PFKFB2: variants seen among roughly 807,000 people sequenced by gnomAD.
PFKFB2 encodes 6-phosphofructo-2-kinase/fructose-2,6-bisphosphatase 2.
In PFKFB2, 53 loss-of-function variants were observed where a neutral mutation model predicts 68.0. That is an observed-to-expected ratio of 0.78 (90% confidence interval 0.63 to 0.98). The LOEUF is 0.98. Ranked by LOEUF, PFKFB2 falls within the 50% of genes least tolerant of loss-of-function variation. The probability of loss-of-function intolerance (pLI) is 0.00; values close to 1 mark genes in which losing one functional copy is unlikely to be tolerated. For synonymous variants in PFKFB2, 222 were observed against 227.6 expected, an observed-to-expected ratio of 0.98 and a Z score of 0.22; for missense variants, 451 against 642.0, an observed-to-expected ratio of 0.70 and a Z score of 3.22.
Position 207,075,364 on chromosome 1 carries a change from C to T in PFKFB2, c.*2993C>T. ...CTTCAGCATCCTTTAGTTTCTAAAGCAAGATCCCTTCAGAGAAGTCTAGCA... is the reference window on the plus strand; with the variant it reads ...CTTCAGCATCCTTTAGTTTCTAAAGTAAGATCCCTTCAGAGAAGTCTAGCA... On this transcript the variant is annotated 3_prime_UTR_variant, in exon 15 of 15. Transcript: ENST00000367080. 1 of 985,416 alleles carries T rather than the reference C, an allele frequency of 1.0e-6. No homozygotes were observed. The highest frequency in any genetic ancestry group is 1.2e-6 in the Non-Finnish European group (1 of 829,924). 61.0% of individuals were successfully genotyped at this position (985,416 alleles called of 1,614,324 possible). A position where few individuals can be genotyped will look rare whatever the true frequency, so the allele number is the denominator to read the frequency against.
Position 207,053,716 on chromosome 1 carries a change from C to CT in PFKFB2, c.-18+353dup, listed in dbSNP as rs1348171098. Among the ~76,000 whole-genome samples the CT allele has an allele frequency of 2.6e-5, 4 of 152,096 alleles. No individual in the cohort carries two copies. In the East Asian group the frequency reaches 7.7e-4, roughly 29 times the overall value. On this transcript the variant is annotated intron_variant, in intron 1 of 14. Coordinates refer to ENST00000367080, the MANE Select transcript of PFKFB2 (RefSeq NM_006212.2). ...TTTACCACCTCAGCGCTCCGGCGTT[C>CT]TTTAGACTGAGTCCCGGGGGTAACT...
upstream of PFKFB2, chr1:207,049,184 C>T (rs776296163): frequency 5.6e-6 from 9 of 1,614,036 alleles, no homozygotes; most frequent in East Asian, 4.5e-5. Flanking sequence ...AGTGCTTGTA[C>T]AAGAACAATA....
chr1:207,054,630 G>C (rs1682862376), intron 1 of PFKFB2, 71 bp from the exon 2 acceptor site: 12 of 1,020,648 alleles, frequency 1.2e-5, no homozygotes, highest in Non-Finnish European at 1.8e-5. Context: ...CGGATCCAAT[G>C]CACTGACTTT....
downstream of PFKFB2, chr1:207,079,283 T>G: frequency 1.8e-6 from 1 of 550,856 alleles, no homozygotes; most frequent in South Asian, 2.1e-5. Flanking sequence ...CTGTGCTGAG[T>G]TTGGTCCAAG....
chr1:207,044,730 A>G (rs1486960672), intron 2 of PFKFB2: 1 of 152,502 alleles, frequency 6.6e-6, no homozygotes, highest in East Asian at 1.9e-4. Flanking sequence ...TGCTTTAAAA[A>G]TGTTTGGAAA....
chr1:207,051,126 T>C (rs1465824591), upstream of PFKFB2: 3 of 1,422,384 alleles, frequency 2.1e-6, no homozygotes, highest in Non-Finnish European at 2.7e-6. Flanking sequence ...AAGTGACAAC[T>C]GATTTTTCCC....
At chr1:207,039,843 G>T (rs1207714123) in intron 1 of PFKFB2, among the ~76,000 whole-genome samples, 1 of 152,184 alleles carries the variant, frequency 6.6e-6, no homozygotes, top group Non-Finnish European at 1.5e-5. Flanking sequence ...GGATAGGTCT[G>T]GTGTGTTGTG....
At position 207,072,477 on chromosome 1, in the gene PFKFB2, C is replaced by T; in HGVS notation, c.*106C>T. ...CCAAGGAGTCATTAACTTCCTCCCT[C>T]TATGCCCACCCCTGACACTTCACCA... On this transcript the variant is annotated 3_prime_UTR_variant, in exon 15 of 15. Coordinates refer to ENST00000367080, the MANE Select transcript of PFKFB2 (RefSeq NM_006212.2). 1.3e-6 allele frequency: 2 copies of T among 1,495,586 alleles called. No individual in the cohort carries two copies. Among genetic ancestry groups the T allele is most frequent in the Non-Finnish European group, 1.8e-6 (2 of 1,125,106 alleles). 92.6% of individuals were successfully genotyped at this position (1,495,586 alleles called of 1,614,324 possible).
Position 207,056,228 on chromosome 1 carries a change from GTATT to G in PFKFB2, c.85+1431_85+1434del, listed in dbSNP as rs1431802790. Among the ~76,000 whole-genome samples, 3 of 151,998 alleles carry G rather than the reference GTATT, an allele frequency of 2.0e-5. No homozygotes were observed. The East Asian group carries it at 5.8e-4, about 29-fold the overall frequency. Reference sequence around the variant, plus strand: ...TCACAGGTGACTCAATCTGCCTGTTGTATTTATTCCTGAAATGTTTATATTGAAT... The same window carrying G: ...TCACAGGTGACTCAATCTGCCTGTTGTATTCCTGAAATGTTTATATTGAAT... On this transcript the variant is annotated intron_variant, in intron 2 of 14. Coordinates refer to ENST00000367080, the MANE Select transcript of PFKFB2 (RefSeq NM_006212.2).
chr1:207,078,775 G>A (rs550071642), downstream of PFKFB2, among the ~76,000 whole-genome samples: 19 of 152,202 alleles, frequency 1.2e-4, no homozygotes, highest in African/African-American at 3.9e-4. Context: ...CCATGACTAC[G>A]CCATTCGGGT....
chr1:207,051,095 T>C (rs1682740130), upstream of PFKFB2: 2 of 1,436,708 alleles, frequency 1.4e-6, no homozygotes, highest in South Asian at 1.5e-5. Context: ...CTTAGTACCT[T>C]AGCAAGCGCG....
chr1:207,043,263 A>C (rs1200735032), intron 2 of PFKFB2, among the ~76,000 whole-genome samples: 1 of 152,204 alleles, frequency 6.6e-6, no homozygotes, highest in African/African-American at 2.4e-5. Flanking sequence ...GGCTTGACTT[A>C]TTCTTATGTT....
At chr1:207,050,591 G>A (rs1255417869), upstream of PFKFB2, 7 of 1,533,350 alleles carry the variant, frequency 4.6e-6, no homozygotes, top group Non-Finnish European at 6.2e-6. Flanking sequence ...CCCCCCCGCC[G>A]ACTCACAGCC....
intron 12 of PFKFB2, 52 bp from the exon 13 acceptor site, chr1:207,071,136 C>T (rs1683454055): frequency 4.3e-6 from 6 of 1,406,230 alleles, no homozygotes; most frequent in East Asian, 2.3e-5. Flanking sequence ...ACTAACTTGA[C>T]CTTACTCCAT....
intron 3 of PFKFB2, 98 bp from the exon 4 acceptor site, chr1:207,062,522 A>T: frequency 6.5e-7 from 1 of 1,529,964 alleles, no homozygotes; most frequent in Non-Finnish European, 8.8e-7. Flanking sequence ...CGCTTTTTTC[A>T]TCCCCTTGGT....
In PFKFB2 at chr1:207,077,173, A is replaced by C; in HGVS notation, c.*4802A>C. The C allele has an allele frequency of 1.0e-6, 1 of 985,324 alleles. No homozygotes were observed. Among genetic ancestry groups the C allele is most frequent in the East Asian group, 1.1e-4 (1 of 8,816 alleles). 61.0% of individuals were successfully genotyped at this position (985,324 alleles called of 1,614,324 possible). ...GTCCCCTGCTTTAGGGCAGGACTTC[A>C]GTTCCACTGTTCATTTCTGAAGCTT... On this transcript the variant is annotated 3_prime_UTR_variant, in exon 15 of 15. Transcript: ENST00000367080.
intron 2 of PFKFB2, chr1:207,047,560 T>G (rs1049896947): frequency 2.0e-5 from 3 of 152,614 alleles, no homozygotes; most frequent in Middle Eastern, 3.2e-3. Flanking sequence ...ACATTAAGCC[T>G]CTTCACATTA....
At chr1:207,069,227 C>T (rs1287261145) in intron 10 of PFKFB2, among the ~76,000 whole-genome samples, 197 bp from the exon 11 acceptor site, 1 of 152,158 alleles carries the variant, frequency 6.6e-6, no homozygotes, top group Non-Finnish European at 1.5e-5. Flanking sequence ...CTCTTTCCGG[C>T]AGTGGTCCTC....
intron 10 of PFKFB2, 37 bp from the exon 11 acceptor site, chr1:207,069,387 C>A: frequency 7.2e-7 from 1 of 1,392,156 alleles, no homozygotes; most frequent in Non-Finnish European, 1.0e-6. Flanking sequence ...GTGGTACAGT[C>A]TATCTCTTCA....
Sources: allele counts gnomAD v4.1 joint callset (sites outside exome capture counted in the v4.1 genomes callset), GRCh38; gene constraint gnomAD v4.1.1; transcripts MANE v1.5; gene names NCBI Gene and HGNC (gene_info 2026-07-23, HGNC 2026-07-21).